NPAS3: variants seen among roughly 807,000 people sequenced by gnomAD.
NPAS3 encodes neuronal PAS domain-containing protein 3.
In NPAS3, 14 loss-of-function variants were observed where a neutral mutation model predicts 73.1. The ratio of observed to expected loss-of-function variants is 0.19; its 90% CI spans 0.13 to 0.30. The LOEUF (loss-of-function observed/expected upper bound fraction) is 0.30. Among genes scored for constraint, NPAS3 ranks in the 10% least tolerant of loss-of-function variants. The pLI, the probability that NPAS3 is intolerant of heterozygous loss-of-function variation, is 1.00. For synonymous variants in NPAS3, 620 were observed against 541.5 expected (o/e 1.14, Z -2.01); for missense variants, 1,096 against 1,250.0 (o/e 0.88, Z 1.86).
chr14:33,591,092 T>G (rs1170598731), intron 5 of NPAS3, among the ~76,000 whole-genome samples: 1 of 152,086 alleles, frequency 6.6e-6, no homozygotes, highest in African/African-American at 2.4e-5. Context: ...ATGACTTCAT[T>G]TTCTCTACAA....
At chr14:33,638,405 A>T (rs59699818) in intron 5 of NPAS3, among the ~76,000 whole-genome samples, 303 of 152,354 alleles carry the variant, frequency 2.0e-3, no homozygotes, top group Middle Eastern at 3.4e-3. Context: ...GTTTGAACCC[A>T]GTTCTTCTAC....
intron 1 of NPAS3, among the ~76,000 whole-genome samples, chr14:33,035,551 T>TTATTTC (rs1185495650): frequency 6.6e-6 from 1 of 152,226 alleles, no homozygotes; most frequent in Non-Finnish European, 1.5e-5. Context: ...TACTTGTTGT[T>TTATTTC]TATTTCAGAA....
chr14:33,778,514 A>T (rs773805152), exon 9 of NPAS3: 2 of 1,613,858 alleles, frequency 1.2e-6, no homozygotes, highest in African/African-American at 2.7e-5. Context: ...TAGGGAAGAG[A>T]TGCTACCACT....
At chr14:33,274,332 G>T (rs1415639263) in intron 3 of NPAS3, among the ~76,000 whole-genome samples, 1 of 152,180 alleles carries the variant, frequency 6.6e-6, no homozygotes, top group Non-Finnish European at 1.5e-5. Context: ...AGGCTAAATT[G>T]AATTTAACAC....
In NPAS3 at chr14:33,544,804, A is replaced by ATAT. The variant is rs1555409946; in HGVS notation, c.469-15316_469-15314dup. Reference sequence around the variant, plus strand: ...GTGTGTGTATTATATATATATATATATATATATGTATATATAATATATATG... The same window carrying ATAT: ...GTGTGTGTATTATATATATATATATATATTATATATGTATATATAATATATATG... On this transcript the variant is annotated intron_variant, in intron 4 of 11. Coordinates refer to ENST00000356141, the Ensembl canonical transcript of NPAS3. Among the ~76,000 whole-genome samples, 4 of 78,728 alleles carry ATAT rather than the reference A, an allele frequency of 5.1e-5. 1 individual carries two copies. The highest frequency in any genetic ancestry group is 1.6e-4 in the African/African-American group (2 of 12,304). 51.6% of individuals were successfully genotyped at this position (78,728 alleles called of 152,430 possible). A position where few individuals can be genotyped will look rare whatever the true frequency, so the allele number is the denominator to read the frequency against.
intron 1 of NPAS3, among the ~76,000 whole-genome samples, chr14:32,952,234 G>C (rs2036513553): frequency 6.6e-6 from 1 of 151,918 alleles, no homozygotes; most frequent in African/African-American, 2.4e-5. Flanking sequence ...TTCTACAAAA[G>C]GTAATTTTCT....
chr14:33,541,228 C>T (rs933258677), intron 4 of NPAS3, among the ~76,000 whole-genome samples: 1 of 152,008 alleles, frequency 6.6e-6, no homozygotes, highest in Non-Finnish European at 1.5e-5. Flanking sequence ...AAGGAAGTTA[C>T]TTGTTCATGC....
intron 2 of NPAS3, among the ~76,000 whole-genome samples, chr14:33,156,031 C>T (rs1214640554): frequency 1.3e-5 from 2 of 151,788 alleles, no homozygotes; most frequent in Non-Finnish European, 2.9e-5. Flanking sequence ...ATTGAATGAA[C>T]AAAGACCAAG....
At chr14:33,544,724 A>AT (rs74192237) in intron 4 of NPAS3, among the ~76,000 whole-genome samples, 53,801 of 137,578 alleles carry the variant, frequency 0.39, 11,448 homozygotes, top group African/African-American at 0.55. Flanking sequence ...AATCTGTGGT[A>AT]TTTTTTTATG....
At chr14:33,115,833 G>A (rs2043045814) in intron 2 of NPAS3, among the ~76,000 whole-genome samples, 1 of 152,058 alleles carries the variant, frequency 6.6e-6, no homozygotes, top group Non-Finnish European at 1.5e-5. Context: ...GCATCTATCT[G>A]ATGATTTGGC....
chr14:33,290,187 G>A (rs1307915551), intron 3 of NPAS3, among the ~76,000 whole-genome samples: 1 of 152,098 alleles, frequency 6.6e-6, no homozygotes, highest in Non-Finnish European at 1.5e-5. Flanking sequence ...TCCACTATTA[G>A]CCTGAAGGTT....
chr14:33,763,770 C>T (rs1053447621), intron 7 of NPAS3, among the ~76,000 whole-genome samples: 2 of 151,960 alleles, frequency 1.3e-5, no homozygotes, highest in African/African-American at 4.8e-5. Context: ...CAGATACCTA[C>T]TGCAGCCTCT....
intron 9 of NPAS3, among the ~76,000 whole-genome samples, chr14:33,789,582 A>ATTTTTTT (rs1566544083): frequency 1.0e-4 from 9 of 89,202 alleles, no homozygotes; most frequent in Non-Finnish European, 1.3e-4. Context: ...CTAGAGTACA[A>ATTTTTTT]CTTTTTTTTT....
intron 9 of NPAS3, among the ~76,000 whole-genome samples, chr14:33,785,360 G>C (rs554971705): frequency 1.3e-5 from 2 of 150,502 alleles, no homozygotes; most frequent in Non-Finnish European, 3.0e-5. Flanking sequence ...GTGTGAACCC[G>C]GGAGGTGGAG....
intron 2 of NPAS3, among the ~76,000 whole-genome samples, chr14:33,106,966 TA>T (rs1566566561): frequency 6.6e-6 from 1 of 152,150 alleles, no homozygotes; most frequent in Non-Finnish European, 1.5e-5. Context: ...CATTTACTTT[TA>T]GGATTGGGTT....
chr14:33,246,461 C>T (rs2048380222), intron 3 of NPAS3, among the ~76,000 whole-genome samples: 1 of 147,824 alleles, frequency 6.8e-6, no homozygotes, highest in African/African-American at 2.5e-5. Flanking sequence ...ATGGCGTGAA[C>T]CCCGGGGGAC....
intron 1 of NPAS3, among the ~76,000 whole-genome samples, chr14:32,947,335 G>A (rs1003961435): frequency 6.6e-6 from 1 of 152,092 alleles, no homozygotes; most frequent in African/African-American, 2.4e-5. Flanking sequence ...ATGGTGGCAA[G>A]TGGAATGATT....
intron 1 of NPAS3, among the ~76,000 whole-genome samples, chr14:33,041,615 T>C (rs73266778): frequency 3.2e-4 from 48 of 152,270 alleles, no homozygotes; most frequent in African/African-American, 1.2e-3. Context: ...ACTAGGGGTT[T>C]GGTCTAGGTC....
At chr14:33,797,662 A>G in intron 11 of NPAS3, 81 bp downstream of exon 11, 1 of 1,422,818 alleles carries the variant, frequency 7.0e-7, no homozygotes, top group Non-Finnish European at 9.7e-7. Flanking sequence ...GAGGGCCATC[A>G]TCAGAGGCAA....
Sources: gnomAD v4.1 joint callset for allele counts (sites outside exome capture counted in the v4.1 genomes callset) on GRCh38, gnomAD v4.1.1 for gene constraint, MANE v1.5 for transcripts, NCBI Gene and HGNC (gene_info 2026-07-23, HGNC 2026-07-21) for gene names.